DYNC2I1: variants seen among roughly 807,000 people sequenced by gnomAD.
The protein encoded by DYNC2I1 is dynein 2 intermediate chain 1, also known as cytoplasmic dynein 2 intermediate chain 1.
In DYNC2I1, 89 loss-of-function variants were observed where a neutral mutation model predicts 133.4. The ratio of observed to expected loss-of-function variants is 0.67; its 90% CI spans 0.56 to 0.80. The LOEUF is 0.80. Ranked by LOEUF, DYNC2I1 falls within the 30% of genes least tolerant of loss-of-function variation. The probability of loss-of-function intolerance (pLI) is 0.00; values close to 1 mark genes in which losing one functional copy is unlikely to be tolerated. For synonymous variants in DYNC2I1, 504 were observed against 484.3 expected (o/e 1.04, Z -0.54); for missense variants, 1,291 against 1,314.5 (o/e 0.98, Z 0.28).
chr7:158,900,132 T>C (rs1458054562), intron 8 of DYNC2I1, among the ~76,000 whole-genome samples: 1 of 151,242 alleles, frequency 6.6e-6, no homozygotes, highest in African/African-American at 2.4e-5. Context: ...TTTTTTTTTT[T>C]CTTTTTGAGA....
At chr7:158,918,686 A>C in intron 14 of DYNC2I1, 54 bp from the exon 15 acceptor site, 2 of 1,585,912 alleles carry the variant, frequency 1.3e-6, no homozygotes, top group Non-Finnish European at 1.7e-6. Flanking sequence ...TTTTTTTGGA[A>C]AAGATAATCC....
At chr7:158,847,833 ACAGT>A in the DYNC2I1 span, among the ~76,000 whole-genome samples, 1 of 152,186 alleles carries the variant, frequency 6.6e-6, no homozygotes, top group African/African-American at 2.4e-5. Context: ...TACTAAGAAG[ACAGT>A]CAGTGTGGGG....
chr7:158,900,404 G>A (rs559451101), intron 8 of DYNC2I1, among the ~76,000 whole-genome samples: 2 of 152,162 alleles, frequency 1.3e-5, no homozygotes, highest in Admixed American at 6.5e-5. Flanking sequence ...TTATAGGTGT[G>A]AGCCACCGCG....
At chr7:158,870,857 CGTA>C (rs1177702578) in intron 2 of DYNC2I1, among the ~76,000 whole-genome samples, 1 of 152,070 alleles carries the variant, frequency 6.6e-6, no homozygotes, top group Non-Finnish European at 1.5e-5. Flanking sequence ...CTCTAATACA[CGTA>C]GTATTTTAGA....
intron 3 of DYNC2I1, 99 bp from the exon 4 acceptor site, chr7:158,876,510 G>A (rs540999920): frequency 8.0e-6 from 11 of 1,381,230 alleles, no homozygotes; most frequent in Admixed American, 6.9e-5. Context: ...ACATATTAAC[G>A]AATATAAAAT....
intron 1 of DYNC2I1, among the ~76,000 whole-genome samples, chr7:158,867,296 C>T (rs1281389961): frequency 6.6e-6 from 1 of 151,740 alleles, no homozygotes; most frequent in Non-Finnish European, 1.5e-5. Context: ...CTCTGTTGTA[C>T]CGGGGTTGTA....
chr7:158,860,822 A>G (rs925754679), intron 1 of DYNC2I1, among the ~76,000 whole-genome samples: 1 of 152,212 alleles, frequency 6.6e-6, no homozygotes, highest in Non-Finnish European at 1.5e-5. Flanking sequence ...GATATGTACT[A>G]GTGATGTGAA....
At position 158,871,209 on chromosome 7, in the gene DYNC2I1, A is replaced by G; in HGVS notation, c.137A>G (p.Glu46Gly). The change falls in exon 3 of 25, where the codon GAG becomes GGG. Residue 46 changes from glutamate (E) to glycine (G), a missense_variant. Coordinates refer to ENST00000407559, the MANE Select transcript of DYNC2I1 (RefSeq NM_018051.5). ...GAGAAGAAGCTGCGTAAGGAGTCTG[A>G]GATGGACCTTCCTGAACATAAGGAG... Reference protein sequence around the residue: ...HREKKLRKESEMDLPEHKEPR... With the variant: ...HREKKLRKESGMDLPEHKEPR... 6.2e-7 allele frequency: 1 copy of G among 1,613,794 alleles called. No individual in the cohort carries two copies. Among genetic ancestry groups the G allele is most frequent in the Non-Finnish European group, 8.5e-7 (1 of 1,179,772 alleles).
chr7:158,895,783 T>G (rs1845706809), intron 8 of DYNC2I1, among the ~76,000 whole-genome samples: 1 of 152,232 alleles, frequency 6.6e-6, no homozygotes, highest in Admixed American at 6.5e-5. Flanking sequence ...GTCCATTTAT[T>G]TAGTTCTTTG....
chr7:158,881,933 C>G (rs1210813593), intron 5 of DYNC2I1, among the ~76,000 whole-genome samples: 1 of 152,196 alleles, frequency 6.6e-6, no homozygotes, highest in Non-Finnish European at 1.5e-5. Flanking sequence ...TCTCCATTCC[C>G]TAGATCATGT....
chr7:158,942,982 C>G (rs777175743), intron 24 of DYNC2I1, among the ~76,000 whole-genome samples: 1 of 152,184 alleles, frequency 6.6e-6, no homozygotes, highest in Non-Finnish European at 1.5e-5. Flanking sequence ...CCCTGCTTGT[C>G]TGTTCACCTG....
At chr7:158,913,269 C>T (rs1201896827) in intron 13 of DYNC2I1, among the ~76,000 whole-genome samples, 173 bp downstream of exon 13, 1 of 152,200 alleles carries the variant, frequency 6.6e-6, no homozygotes, top group East Asian at 1.9e-4. Flanking sequence ...TAACCAGCAG[C>T]CACAGAGCTG....
At chr7:158,890,254 C>T (rs1845070348) in intron 7 of DYNC2I1, among the ~76,000 whole-genome samples, 2 of 152,100 alleles carry the variant, frequency 1.3e-5, no homozygotes, top group African/African-American at 4.8e-5. Context: ...AGTATCCGTG[C>T]AACCTGTAAT....
In DYNC2I1 at chr7:158,902,378, C is replaced by T. The variant is rs1193712328; in HGVS notation, c.1140C>T (p.Asp380=). The T allele has an allele frequency of 7.4e-6, 12 of 1,611,384 alleles. No homozygotes were observed. The highest frequency in any genetic ancestry group is 1.0e-5 in the Non-Finnish European group (12 of 1,179,418). The part of the protein sequence containing the change: ...YTASCEDDFE[D]YEDDFEVCDG... ...CAAAAGATTATTATTGTTTGCAGGA[C>T]TATGAAGATGACTTTGAGGTTTGTG... The change falls in exon 10 of 25, where the codon GAC becomes GAT. Residue 380 remains aspartate (D), a splice_region_variant and synonymous_variant. Transcript: ENST00000407559.
chr7:158,917,427 C>A, intron 14 of DYNC2I1, among the ~76,000 whole-genome samples: 1 of 71,810 alleles, frequency 1.4e-5, no homozygotes, highest in Non-Finnish European at 2.7e-5. Context: ...CTCCACACTC[C>A]ACCCTCCGCC....
At chr7:158,898,174 G>C (rs1320196558) in intron 8 of DYNC2I1, among the ~76,000 whole-genome samples, 2 of 152,160 alleles carry the variant, frequency 1.3e-5, no homozygotes, top group Non-Finnish European at 2.9e-5. Flanking sequence ...CTATCATGGT[G>C]AATTATATGC....
At chr7:158,887,426 T>C (rs1844710140) in intron 7 of DYNC2I1, among the ~76,000 whole-genome samples, 1 of 152,182 alleles carries the variant, frequency 6.6e-6, no homozygotes, top group Non-Finnish European at 1.5e-5. Flanking sequence ...ATAAAACAAT[T>C]GTAAATGGAT....
chr7:158,938,901 A>G (rs34271654), intron 23 of DYNC2I1, among the ~76,000 whole-genome samples: 1 of 152,240 alleles, frequency 6.6e-6, no homozygotes. Flanking sequence ...ATACTGTGTT[A>G]CTGTATTTGT....
intron 21 of DYNC2I1, 97 bp downstream of exon 21, chr7:158,930,612 A>T (rs2129487533): frequency 1.1e-6 from 1 of 937,552 alleles, no homozygotes. Context: ...AGCTTTTGCG[A>T]TGAAGAAGTC....
Sources: allele counts gnomAD v4.1 joint callset (sites outside exome capture counted in the v4.1 genomes callset), GRCh38; gene constraint gnomAD v4.1.1; transcripts MANE v1.5; gene names NCBI Gene and HGNC (gene_info 2026-07-23, HGNC 2026-07-21).